The following HHAT variants were observed in gnomAD, a reference collection of about 807,000 sequenced individuals.
The protein encoded by HHAT is protein-cysteine N-palmitoyltransferase HHAT.
In HHAT, 47 loss-of-function variants were observed where a neutral mutation model predicts 70.8. The observed-to-expected ratio is 0.66, with a 90% confidence interval of 0.53 to 0.85. HHAT has a LOEUF of 0.85. Among genes scored for constraint, HHAT ranks in the 40% least tolerant of loss-of-function variants. The probability of loss-of-function intolerance (pLI) is 0.00; values close to 1 mark genes in which losing one functional copy is unlikely to be tolerated. For missense variants in HHAT, 609 were observed against 604.8 expected (o/e 1.01, Z -0.07); for synonymous variants, 228 against 247.6 (o/e 0.92, Z 0.74).
At chr1:210,531,660 C>CTCT (rs539123456) in intron 9 of HHAT, among the ~76,000 whole-genome samples, 2 of 152,200 alleles carry the variant, frequency 1.3e-5, no homozygotes, top group East Asian at 3.8e-4. Context: ...AAGTTGTTAT[C>CTCT]TCTTATCTGT....
intron 10 of HHAT, among the ~76,000 whole-genome samples, chr1:210,599,350 A>G (rs1004742596): frequency 5.9e-5 from 9 of 152,122 alleles, no homozygotes; most frequent in Non-Finnish European, 8.8e-5. Flanking sequence ...GTTACTTGGA[A>G]TGATCTTCAT....
At chr1:210,425,529 A>T (rs1171391053) in intron 7 of HHAT, among the ~76,000 whole-genome samples, 8 of 152,102 alleles carry the variant, frequency 5.3e-5, no homozygotes. Context: ...TGTGCTATAA[A>T]GAAGGGGTCC....
chr1:210,416,236 C>A (rs1162615232), intron 6 of HHAT, among the ~76,000 whole-genome samples: 1 of 152,174 alleles, frequency 6.6e-6, no homozygotes, highest in South Asian at 2.1e-4. Context: ...CCCACAGCAC[C>A]CTGATGATGG....
At chr1:210,450,504 AAAT>A (rs2093730401) in intron 7 of HHAT, among the ~76,000 whole-genome samples, 2 of 151,738 alleles carry the variant, frequency 1.3e-5, no homozygotes, top group African/African-American at 4.8e-5. Context: ...ATTTTTAAAA[AAAT>A]TTTTTTTGAG....
At chr1:210,611,088 A>T (rs1481071894) in intron 10 of HHAT, among the ~76,000 whole-genome samples, 1 of 152,160 alleles carries the variant, frequency 6.6e-6, no homozygotes, top group African/African-American at 2.4e-5. Context: ...CACTGAATCT[A>T]TGAATTACTT....
chr1:210,463,921 A>G (rs148516465), intron 7 of HHAT, among the ~76,000 whole-genome samples: 195 of 152,318 alleles, frequency 1.3e-3, no homozygotes, highest in Non-Finnish European at 2.3e-3. Context: ...GTGTATATGT[A>G]TGAGGTGTGT....
chr1:210,468,912 A>G (rs1280153955), intron 8 of HHAT, among the ~76,000 whole-genome samples: 2 of 152,080 alleles, frequency 1.3e-5, no homozygotes, highest in Non-Finnish European at 2.9e-5. Context: ...CCTACTAGTT[A>G]TGTGACTTTG....
intron 9 of HHAT, among the ~76,000 whole-genome samples, chr1:210,553,785 C>T (rs1160779472): frequency 1.3e-5 from 2 of 152,162 alleles, no homozygotes; most frequent in Non-Finnish European, 2.9e-5. Flanking sequence ...GCTCTGCCTC[C>T]TCCTCTCCCT....
intron 9 of HHAT, among the ~76,000 whole-genome samples, chr1:210,557,853 G>A (rs1347698964): frequency 2.0e-5 from 3 of 152,168 alleles, no homozygotes; most frequent in Non-Finnish European, 4.4e-5. Flanking sequence ...CACCTGTCAA[G>A]GAAGAAGTGG....
At chr1:210,523,829 T>C (rs1311453221) in intron 9 of HHAT, among the ~76,000 whole-genome samples, 1 of 152,242 alleles carries the variant, frequency 6.6e-6, no homozygotes, top group African/African-American at 2.4e-5. Flanking sequence ...CCAAATTAAG[T>C]GCCCTAAGTA....
At chr1:210,377,676 A>G (rs1417640218) in intron 3 of HHAT, among the ~76,000 whole-genome samples, 2 of 152,206 alleles carry the variant, frequency 1.3e-5, no homozygotes, top group African/African-American at 4.8e-5. Context: ...TACCCATGTT[A>G]ATTAGGTCCT....
intron 8 of HHAT, among the ~76,000 whole-genome samples, chr1:210,494,542 C>CTGTTTTTTTTTTTTTTT (rs2094601328): frequency 1.2e-5 from 1 of 82,850 alleles, no homozygotes; most frequent in African/African-American, 5.1e-5. Context: ...TTTGAAATAG[C>CTGTTTTTTTTTTTTTTT]TTTTTTTTTT....
At chr1:210,662,886 A>C (rs1353898685) in intron 11 of HHAT, among the ~76,000 whole-genome samples, 1 of 152,120 alleles carries the variant, frequency 6.6e-6, no homozygotes, top group Non-Finnish European at 1.5e-5. Flanking sequence ...GACTGTGAAC[A>C]GTGTGATTTA....
chr1:210,589,901 T>C (rs1370112239), intron 10 of HHAT: 1 of 152,368 alleles, frequency 6.6e-6, no homozygotes, highest in South Asian at 2.1e-4. Context: ...ATTTTTGATA[T>C]GCATTTTTTT....
chr1:210,519,975 G>A (rs541809516), intron 9 of HHAT, among the ~76,000 whole-genome samples: 1 of 151,840 alleles, frequency 6.6e-6, no homozygotes, highest in Non-Finnish European at 1.5e-5. Context: ...ATCTTCCTTT[G>A]AGAAATGTCT....
At chr1:210,382,542 C>T (rs976869153) in intron 3 of HHAT, among the ~76,000 whole-genome samples, 1 of 152,144 alleles carries the variant, frequency 6.6e-6, no homozygotes, top group East Asian at 1.9e-4. Context: ...GGTTCTTGCT[C>T]TCAGAGAGAT....
At chr1:210,362,701 G>A (rs2088477584) in intron 2 of HHAT, 151 bp from the exon 3 acceptor site, 1 of 627,450 alleles carries the variant, frequency 1.6e-6, no homozygotes, top group African/African-American at 1.8e-5. Context: ...TGGAAAGCAA[G>A]GTCAAGGAGT....
chr1:210,375,092 A>T (rs2090077160), intron 3 of HHAT, among the ~76,000 whole-genome samples: 1 of 151,942 alleles, frequency 6.6e-6, no homozygotes, highest in Non-Finnish European at 1.5e-5. Flanking sequence ...CTGTTTTGCA[A>T]GCACTTACTT....
chr1:210,443,255 GTA>G (rs2093564332), intron 7 of HHAT, among the ~76,000 whole-genome samples: 6 of 94,740 alleles, frequency 6.3e-5, no homozygotes, highest in Non-Finnish European at 1.3e-4. Context: ...TAGCCTTGTA[GTA>G]TAGTTTGAGG....
Sources: allele counts gnomAD v4.1 joint callset (sites outside exome capture counted in the v4.1 genomes callset), GRCh38; gene constraint gnomAD v4.1.1; transcripts MANE v1.5; gene names NCBI Gene and HGNC (gene_info 2026-07-23, HGNC 2026-07-21).